TCTN1: variants seen among roughly 807,000 people sequenced by gnomAD.
TCTN1 encodes tectonic family member 1.
A neutral mutation model predicts 65.8 loss-of-function variants in TCTN1; 58 were observed. The observed-to-expected ratio is 0.88, with a 90% CI of 0.71 to 1.10. The LOEUF is 1.10. TCTN1 is among the 50% of genes least tolerant of loss of function. TCTN1 has a pLI of 0.00. For synonymous variants in TCTN1, 273 were observed against 289.1 expected (o/e 0.94, Z 0.57); for missense variants, 645 against 719.4 (o/e 0.90, Z 1.18).
intron 1 of TCTN1, among the ~76,000 whole-genome samples, chr12:110,619,146 C>G (rs892211295): frequency 4.6e-5 from 7 of 151,994 alleles, no homozygotes; most frequent in Non-Finnish European, 1.0e-4. Flanking sequence ...CCATTGCACT[C>G]CAGCCTGGGC....
At chr12:110,642,057 C>T (rs1002230235) in intron 10 of TCTN1, 192 bp from the exon 11 acceptor site, 1 of 668,550 alleles carries the variant, frequency 1.5e-6, no homozygotes, top group African/African-American at 1.8e-5. Context: ...GAGAATTTTT[C>T]TTCTGAGAAT....
intron 4 of TCTN1, chr12:110,629,209 C>T: frequency 6.1e-6 from 3 of 491,576 alleles, no homozygotes; most frequent in East Asian, 6.5e-5. Flanking sequence ...AGTAAAACAA[C>T]CAAAAGCAAT....
intron 7 of TCTN1, 84 bp downstream of exon 7, chr12:110,636,585 A>G (rs998012567): frequency 1.2e-6 from 1 of 842,852 alleles, no homozygotes; most frequent in African/African-American, 1.7e-5. Context: ...AAATGAATAC[A>G]GTTACAATTA....
At position 110,640,068 on chromosome 12, in the gene TCTN1, AT is replaced by A. The variant is rs1254816064; in HGVS notation, c.844-312del. 6.6e-6 allele frequency among the ~76,000 whole-genome samples: 1 copy of A among 152,178 alleles called. No homozygotes were observed. Among genetic ancestry groups the A allele is most frequent in the South Asian group, 2.1e-4 (1 of 4,830 alleles). On this transcript the variant is annotated intron_variant, in intron 7 of 14. Coordinates refer to ENST00000397659, the MANE Select transcript of TCTN1 (RefSeq NM_001082538.3). The surrounding 1 kb of genome is among the most constrained non-coding windows in gnomAD (Gnocchi z 4.9). ...TTTATCCATTCATCAGTTGATGGAC[AT>A]TTAGGTGGTTTTTGGTTTTAGCTAT...
At chr12:110,622,247 A>AG (rs1284044156) in intron 2 of TCTN1, among the ~76,000 whole-genome samples, 1 of 152,106 alleles carries the variant, frequency 6.6e-6, no homozygotes, top group African/African-American at 2.4e-5. Flanking sequence ...TTAGTCTTTT[A>AG]GGCCGACACC....
intron 10 of TCTN1, chr12:110,641,905 C>T: frequency 1.8e-6 from 1 of 556,290 alleles, no homozygotes; most frequent in South Asian, 2.4e-5. Flanking sequence ...GCCATTAAGC[C>T]ACAAAATATG....
At chr12:110,641,928 A>G (rs2066985556) in intron 10 of TCTN1, 2 of 555,658 alleles carry the variant, frequency 3.6e-6, no homozygotes, top group South Asian at 2.4e-5. Flanking sequence ...AGTGTTTTAC[A>G]ACGAAAATCT....
At chr12:110,627,970 G>A (rs1272404596) in intron 3 of TCTN1, 7 of 1,392,384 alleles carry the variant, frequency 5.0e-6, no homozygotes, top group Non-Finnish European at 6.9e-6. Flanking sequence ...GTGATAACTG[G>A]CCAGTGACTG....
intron 10 of TCTN1, chr12:110,641,871 T>A: frequency 7.0e-6 from 4 of 567,602 alleles, no homozygotes; most frequent in Non-Finnish European, 9.3e-6. Context: ...TTTTTTTTTT[T>A]AATCTCCTTT....
At chr12:110,631,378 A>G (rs1274667603) in intron 4 of TCTN1, among the ~76,000 whole-genome samples, 1 of 151,204 alleles carries the variant, frequency 6.6e-6, no homozygotes, top group African/African-American at 2.4e-5. Flanking sequence ...TCACGCCTAT[A>G]ATCCCAGCAC....
At chr12:110,616,786 G>C (rs16940909) in intron 1 of TCTN1, 25,782 of 152,324 alleles carry the variant, frequency 0.17, 3,341 homozygotes, top group African/African-American at 0.36. Context: ...GAGGCTGACT[G>C]TGAGTGGAGA....
At chr12:110,643,200 G>A (rs556275807) in intron 11 of TCTN1, among the ~76,000 whole-genome samples, 9 of 152,068 alleles carry the variant, frequency 5.9e-5, no homozygotes, top group African/African-American at 1.9e-4. Context: ...ACTGTGCCTG[G>A]CCTGTATGTT....
At chr12:110,634,586 A>T in intron 5 of TCTN1, 84 bp from the exon 6 acceptor site, 1 of 1,083,802 alleles carries the variant, frequency 9.2e-7, no homozygotes, top group South Asian at 1.4e-5. Flanking sequence ...TACCTAGATT[A>T]AAACTTTTTA....
chr12:110,626,904 C>T (rs1477693511), intron 3 of TCTN1, among the ~76,000 whole-genome samples: 1 of 150,788 alleles, frequency 6.6e-6, no homozygotes, highest in Non-Finnish European at 1.5e-5. Flanking sequence ...TCCCAAGTAG[C>T]TGGGATTACA....
chr12:110,640,575 C>A lies in TCTN1; in HGVS notation c.978+58C>A. The A allele has an allele frequency of 6.2e-7, 1 of 1,612,622 alleles. No individual in the cohort carries two copies. Among genetic ancestry groups the A allele is most frequent in the East Asian group, 2.2e-5 (1 of 44,878 alleles). ...TGTGGCAGACTTAAGCCTCTTGTTG[C>A]GCCGGGGTAACTGGACGCCCTCCGA... is the stretch of plus-strand genomic sequence containing the variant. On this transcript the variant is annotated intron_variant, in intron 8 of 14. Coordinates refer to ENST00000397659, the MANE Select transcript of TCTN1 (RefSeq NM_001082538.3). The surrounding 1 kb of genome is among the most constrained non-coding windows in gnomAD (Gnocchi z 4.9).
intron 3 of TCTN1, chr12:110,627,726 G>T: frequency 2.2e-6 from 1 of 445,308 alleles, no homozygotes; most frequent in Non-Finnish European, 3.9e-6. Flanking sequence ...TTTTTACTAA[G>T]AATATTTGCA....
intron 11 of TCTN1, among the ~76,000 whole-genome samples, chr12:110,642,905 G>A (rs908792315): frequency 3.9e-5 from 6 of 151,990 alleles, no homozygotes; most frequent in Non-Finnish European, 7.4e-5. Flanking sequence ...ACAGGCATGT[G>A]GCAACATGCC....
Position 110,614,257 on chromosome 12 carries a change from T to A in TCTN1, c.75T>A (p.Asp25Glu). 1 of 1,595,610 alleles carries A rather than the reference T, an allele frequency of 6.3e-7. No homozygotes were observed. Among genetic ancestry groups the A allele is most frequent in the South Asian group, 1.1e-5 (1 of 88,218 alleles). Reference protein sequence around the residue: ...GCWASVSAQTDATPAVTTEGL... With the variant: ...GCWASVSAQTEATPAVTTEGL... ...GGGCCTCCGTGAGCGCCCAGACCGA[T>A]GCCACCCCGGCGGTGACGACAGAGG... The change falls in exon 1 of 15, where the codon GAT becomes GAA. Residue 25 changes from aspartate to glutamate, a missense_variant. Physicochemically the swap from Asp to Glu is conservative, Grantham distance 45. Coordinates refer to ENST00000397659, the MANE Select transcript of TCTN1 (RefSeq NM_001082538.3).
At chr12:110,643,000 C>T (rs2067063538) in intron 11 of TCTN1, among the ~76,000 whole-genome samples, 1 of 152,146 alleles carries the variant, frequency 6.6e-6, no homozygotes, top group Non-Finnish European at 1.5e-5. Context: ...AGGTGATCTG[C>T]CTGCCTTGGC....
Sources: gnomAD v4.1 joint callset for allele counts (sites outside exome capture counted in the v4.1 genomes callset) on GRCh38, gnomAD v4.1.1 for gene constraint, Gnocchi (gnomAD v3.1) non-coding constraint, MANE v1.5 for transcripts, NCBI Gene and HGNC (gene_info 2026-07-23, HGNC 2026-07-21) for gene names.